KDM4B: variants seen among roughly 807,000 people sequenced by gnomAD.
KDM4B encodes the protein lysine-specific demethylase 4B.
KDM4B carries 32 observed loss-of-function variants against 125.2 expected under a neutral mutation model. The ratio of observed to expected loss-of-function variants is 0.26; its 90% CI spans 0.19 to 0.34. KDM4B has a LOEUF of 0.34. Ranked by LOEUF, KDM4B falls within the 10% of genes least tolerant of loss-of-function variation. KDM4B has a pLI of 1.00. For missense variants in KDM4B, 1,190 were observed against 1,577.7 expected, an observed-to-expected ratio of 0.75 and a Z score of 4.16; for synonymous variants, 721 against 677.9, an observed-to-expected ratio of 1.06 and a Z score of -0.99.
intron 5 of KDM4B, among the ~76,000 whole-genome samples, chr19:5,041,823 C>T (rs764717781): frequency 7.9e-5 from 12 of 152,258 alleles, no homozygotes; most frequent in South Asian, 2.1e-4. Flanking sequence ...AGTGGGCCTG[C>T]GTGGCGGGTG....
In KDM4B at chr19:5,115,893, T is replaced by C. The variant is rs546499082; in HGVS notation, c.1116-3760T>C. On this transcript the variant is annotated intron_variant, in intron 10 of 22. Coordinates refer to ENST00000159111, the MANE Select transcript of KDM4B (RefSeq NM_015015.3). The surrounding 1 kb of genome is among the most constrained non-coding windows in gnomAD (Gnocchi z 4.2). ...AGGAAGGATCAGGAAGTCAGAGGCG[T>C]AGTCTAGGAAATCTAGCCCCTGATA... Among the ~76,000 whole-genome samples, 2 of 152,298 alleles carry C rather than the reference T, an allele frequency of 1.3e-5. No individual in the cohort carries two copies. The highest frequency in any genetic ancestry group is 2.9e-5 in the Non-Finnish European group (2 of 68,018).
chr19:5,000,216 CCCACCCAT>C (rs1336834556), intron 1 of KDM4B, among the ~76,000 whole-genome samples: 1 of 109,464 alleles, frequency 9.1e-6, no homozygotes, highest in African/African-American at 3.6e-5. Flanking sequence ...CATCCACCCA[CCCACCCAT>C]CCACCCACCT....
chr19:5,085,490 A>C (rs2038461389), intron 9 of KDM4B, among the ~76,000 whole-genome samples: 1 of 152,206 alleles, frequency 6.6e-6, no homozygotes, highest in Admixed American at 6.5e-5. Context: ...GACTGCCCAG[A>C]TATTAAAAGC....
Position 5,078,576 on chromosome 19 carries a change from C to T in KDM4B, c.780+1106C>T, listed in dbSNP as rs901509701. 6.6e-6 allele frequency: 1 copy of T among 151,922 alleles called. No individual in the cohort carries two copies. Among genetic ancestry groups the T allele is most frequent in the Non-Finnish European group, 1.5e-5 (1 of 68,026 alleles). The allele number at this position is 151,922 out of a possible 1,614,324, so 9.4% of individuals were successfully genotyped here. A position where few individuals can be genotyped will look rare whatever the true frequency, so the allele number is the denominator to read the frequency against. On this transcript the variant is annotated intron_variant, in intron 8 of 22. Coordinates refer to ENST00000159111, the MANE Select transcript of KDM4B (RefSeq NM_015015.3). The surrounding 1 kb of genome is among the most constrained non-coding windows in gnomAD (Gnocchi z 4.5). ...TCAGTACCAGCAAAACCAGACAGAT[C>T]ACGGCATTGCTCAGGGAAGTGAGAA...
At chr19:5,112,080 C>G in intron 10 of KDM4B, 1 of 451,046 alleles carries the variant, frequency 2.2e-6, no homozygotes, top group Non-Finnish European at 4.0e-6. Flanking sequence ...TATTGAGATG[C>G]CATCTCTACA....
At chr19:5,034,315 C>T (rs1051593378) in intron 3 of KDM4B, among the ~76,000 whole-genome samples, 10 of 152,312 alleles carry the variant, frequency 6.6e-5, no homozygotes, top group Non-Finnish European at 1.2e-4. Flanking sequence ...TTGACTATCG[C>T]TGTTCTTCCT....
intron 1 of KDM4B, among the ~76,000 whole-genome samples, chr19:4,988,564 C>A (rs1480300799): frequency 2.0e-5 from 3 of 152,150 alleles, no homozygotes; most frequent in Non-Finnish European, 4.4e-5. Flanking sequence ...CATGAGCCAC[C>A]GTGCCCGGCC....
chr19:5,050,422 G>A (rs2037183057), intron 6 of KDM4B, among the ~76,000 whole-genome samples: 1 of 152,252 alleles, frequency 6.6e-6, no homozygotes, highest in Non-Finnish European at 1.5e-5. Context: ...CCAACTTCCC[G>A]CAGCCCCTTC....
chr19:5,150,485 G>T, intron 22 of KDM4B, 35 bp downstream of exon 22: 1 of 1,474,216 alleles, frequency 6.8e-7, no homozygotes, highest in South Asian at 1.2e-5. Context: ...GGCTCCGGGT[G>T]ACTCAGGGAG....
At chr19:5,023,181 G>T (rs1342548463) in intron 2 of KDM4B, among the ~76,000 whole-genome samples, 1 of 152,186 alleles carries the variant, frequency 6.6e-6, no homozygotes, top group Non-Finnish European at 1.5e-5. Context: ...CTGTGGCTGC[G>T]GAGGTGGAGG....
At chr19:5,044,847 A>C (rs1319546164) in intron 5 of KDM4B, among the ~76,000 whole-genome samples, 3 of 152,028 alleles carry the variant, frequency 2.0e-5, no homozygotes, top group African/African-American at 7.3e-5. Flanking sequence ...CTGGAATCCT[A>C]CAGTCGGTAG....
chr19:4,992,331 T>C (rs945871740), intron 1 of KDM4B, among the ~76,000 whole-genome samples: 1 of 152,238 alleles, frequency 6.6e-6, no homozygotes, highest in Admixed American at 6.5e-5. Context: ...CCGTGTGCTC[T>C]TCTTTTTCCA....
At chr19:4,993,072 C>G (rs115288758) in intron 1 of KDM4B, among the ~76,000 whole-genome samples, 13 of 152,196 alleles carry the variant, frequency 8.5e-5, no homozygotes, top group African/African-American at 3.1e-4. Context: ...GCTCAAGTCT[C>G]TCTCTTTGTT....
intron 21 of KDM4B, among the ~76,000 whole-genome samples, chr19:5,147,852 G>A (rs2039878881): frequency 6.6e-6 from 1 of 152,118 alleles, no homozygotes; most frequent in African/African-American, 2.4e-5. Context: ...ACCGTGGAGT[G>A]CGCGCCTGCC....
chr19:5,051,943 G>A (rs542821412), intron 6 of KDM4B, among the ~76,000 whole-genome samples: 87 of 152,330 alleles, frequency 5.7e-4, no homozygotes, highest in African/African-American at 2.0e-3. Context: ...CTCCGGTGCA[G>A]GTGTGGGAGG....
intron 2 of KDM4B, among the ~76,000 whole-genome samples, chr19:5,028,210 A>G (rs2036341785): frequency 6.6e-6 from 1 of 152,088 alleles, no homozygotes; most frequent in Non-Finnish European, 1.5e-5. Flanking sequence ...CTCCTGGGCT[A>G]GAGCACCCCT....
intron 1 of KDM4B, among the ~76,000 whole-genome samples, chr19:4,999,117 T>G (rs934601726): frequency 6.6e-6 from 1 of 152,162 alleles, no homozygotes; most frequent in Non-Finnish European, 1.5e-5. Flanking sequence ...TGCCGCATGG[T>G]GGTTGTCTAG....
intron 7 of KDM4B, chr19:5,075,842 G>A (rs1267381949): frequency 1.3e-5 from 2 of 152,780 alleles, no homozygotes; most frequent in African/African-American, 4.8e-5. Flanking sequence ...GGGTGAGTCA[G>A]TTGGTGGCCC....
chr19:5,004,712 C>A (rs968896282), intron 1 of KDM4B, among the ~76,000 whole-genome samples: 1 of 152,124 alleles, frequency 6.6e-6, no homozygotes, highest in Non-Finnish European at 1.5e-5. Flanking sequence ...TGAGAAGTCA[C>A]CCACAGAGGG....
Sources: gnomAD v4.1 joint callset for allele counts (sites outside exome capture counted in the v4.1 genomes callset) on GRCh38, gnomAD v4.1.1 for gene constraint, Gnocchi (gnomAD v3.1) non-coding constraint, MANE v1.5 for transcripts, NCBI Gene and HGNC (gene_info 2026-07-23, HGNC 2026-07-21) for gene names.